Variants in FUNDC2 observed in about 807,000 individuals in gnomAD.
The protein encoded by FUNDC2 is FUN14 domain-containing protein 2.
A neutral mutation model predicts 15.6 loss-of-function variants in FUNDC2; 4 were observed. The ratio of observed to expected loss-of-function variants is 0.26; its 90% CI spans 0.13 to 0.59. The LOEUF is 0.59. Ranked by LOEUF, FUNDC2 falls within the 20% of genes least tolerant of loss-of-function variation. The probability of loss-of-function intolerance (pLI) is 0.90; values close to 1 mark genes in which losing one functional copy is unlikely to be tolerated. For missense variants in FUNDC2, 98 were observed against 149.7 expected (o/e 0.65, Z 1.80); for synonymous variants, 44 against 56.9 (o/e 0.77, Z 1.02).
At chrX:155,040,360 C>A (rs1557289439) in intron 2 of FUNDC2, among the ~76,000 whole-genome samples, 1 of 112,132 alleles carries the variant, frequency 8.9e-6, no homozygotes, top group Admixed American at 9.4e-5. Context: ...CAACTCCTGG[C>A]AACCACAGTC....
intron 2 of FUNDC2, 122 bp from the exon 3 acceptor site, chrX:155,046,387 T>C (rs2073862531): frequency 1.7e-6 from 1 of 585,476 alleles, no homozygotes; most frequent in Non-Finnish European, 3.0e-6. Context: ...GCTGGCTTTA[T>C]GTAGGGGGTA....
At position 155,060,098 on chromosome X, in the gene FUNDC2, T is replaced by C. The variant is rs1246181585; in HGVS notation, c.*5426T>C. ...TTATAGCAATGCAACAATGGACTAATACATATACTTTAGCATAAAAACATT... is the reference window on the plus strand; with the variant it reads ...TTATAGCAATGCAACAATGGACTAACACATATACTTTAGCATAAAAACATT... On this transcript the variant is annotated 3_prime_UTR_variant, in exon 5 of 5. Coordinates refer to ENST00000369498, the MANE Select transcript of FUNDC2 (RefSeq NM_023934.4). 2 of 112,256 alleles carry C rather than the reference T, an allele frequency of 1.8e-5. No individual in the cohort carries two copies. Among genetic ancestry groups the C allele is most frequent in the African/African-American group, 3.2e-5 (1 of 30,871 alleles). 9.3% of individuals were successfully genotyped at this position (112,256 alleles called of 1,213,427 possible). A position where few individuals can be genotyped will look rare whatever the true frequency, so the allele number is the denominator to read the frequency against.
At chrX:155,033,269 C>G in intron 1 of FUNDC2, 134 bp from the exon 2 acceptor site, 1 of 536,258 alleles carries the variant, frequency 1.9e-6, no homozygotes, top group Non-Finnish European at 2.9e-6. Context: ...AAAATTGCAA[C>G]TTAGAATAAA....
intron 1 of FUNDC2, among the ~76,000 whole-genome samples, chrX:155,030,151 T>A (rs1557288613): frequency 9.0e-6 from 1 of 111,121 alleles, no homozygotes; most frequent in East Asian, 2.8e-4. Flanking sequence ...CGTTATATTA[T>A]CTGCCAATGA....
At chrX:155,054,270 A>T in intron 4 of FUNDC2, 1 of 753,845 alleles carries the variant, frequency 1.3e-6, no homozygotes, top group Non-Finnish European at 1.6e-6. Flanking sequence ...CTCTTTCGCC[A>T]TAACTGTCCC....
At chrX:155,044,618 C>T (rs1201972688) in intron 2 of FUNDC2, among the ~76,000 whole-genome samples, 18 of 112,150 alleles carry the variant, frequency 1.6e-4, no homozygotes, top group Non-Finnish European at 3.0e-4. Flanking sequence ...AGATGCTTAG[C>T]ATCATCAATT....
At chrX:155,036,319 T>C (rs1034682168) in intron 2 of FUNDC2, among the ~76,000 whole-genome samples, 4 of 112,842 alleles carry the variant, frequency 3.5e-5, no homozygotes, top group African/African-American at 1.3e-4. Flanking sequence ...TTTGATGACT[T>C]ATTTGTTCAA....
In FUNDC2 at chrX:155,026,977, G is replaced by A; in HGVS notation, c.39G>A (p.Val13=). ...CCCCACGTGCCGGAAGCCAAGTGGT[G>A]GCGACAACTGCGCGCCACTCCGCGG... The part of the protein sequence containing the change: ...TSAPRAGSQV[V]ATTARHSAAY... The change falls in exon 1 of 5, where the codon GTG becomes GTA. Residue 13 remains valine (V), a synonymous_variant. Transcript: ENST00000369498. 1 of 1,201,896 alleles carries A rather than the reference G, an allele frequency of 8.3e-7. No homozygotes were observed. The highest frequency in any genetic ancestry group is 1.1e-6 in the Non-Finnish European group (1 of 891,613).
chrX:155,046,753 A>C (rs2073864022), intron 3 of FUNDC2, among the ~76,000 whole-genome samples, 169 bp downstream of exon 3: 1 of 112,432 alleles, frequency 8.9e-6, no homozygotes, highest in African/African-American at 3.2e-5. Flanking sequence ...AATTTTATTC[A>C]TTATACTAGT....
At position 155,050,795 on chromosome X, in the gene FUNDC2, A is replaced by C. The variant is rs182921734; in HGVS notation, c.361-875A>C. On this transcript the variant is annotated intron_variant, in intron 3 of 4. Transcript: ENST00000369498. ...GTGAACTTTCTTACTGATCTCTATA[A>C]GAAGTTCACTTTTTTGAGTATCAAT... 9.7e-4 allele frequency: 109 copies of C among 112,011 alleles called. 1 individual carries two copies. The highest frequency in any genetic ancestry group is 3.4e-3 in the African/African-American group (105 of 30,754). The allele number at this position is 112,011 out of a possible 1,213,427, so 9.2% of individuals were successfully genotyped here. A position where few individuals can be genotyped will look rare whatever the true frequency, so the allele number is the denominator to read the frequency against.
At position 155,056,606 on chromosome X, in the gene FUNDC2, C is replaced by T. The variant is rs2073899134; in HGVS notation, c.*1934C>T. 1 of 108,722 alleles carries T rather than the reference C, an allele frequency of 9.2e-6. No individual in the cohort carries two copies. Among genetic ancestry groups the T allele is most frequent in the Non-Finnish European group, 1.9e-5 (1 of 52,437 alleles). 9.0% of individuals were successfully genotyped at this position (108,722 alleles called of 1,213,427 possible). On this transcript the variant is annotated 3_prime_UTR_variant, in exon 5 of 5. Transcript: ENST00000369498. ...TGTAGTGACACTGAGTCATCTGTTTCCTGCTTCCCCACACTCTGCCTCTCC... is the reference window on the plus strand; with the variant it reads ...TGTAGTGACACTGAGTCATCTGTTTTCTGCTTCCCCACACTCTGCCTCTCC...
At chrX:155,054,287 C>T (rs2073887249) in intron 4 of FUNDC2, 1 of 751,635 alleles carries the variant, frequency 1.3e-6, no homozygotes, top group African/African-American at 2.3e-5. Flanking sequence ...TCCCCATGAA[C>T]TCTCCTTCTT....
At chrX:155,030,772 GC>G (rs2073812497) in intron 1 of FUNDC2, among the ~76,000 whole-genome samples, 1 of 100,133 alleles carries the variant, frequency 1.0e-5, no homozygotes, top group African/African-American at 3.7e-5. Context: ...TGCAACCTCC[GC>G]CTCCCAGGTT....
chrX:155,038,154 GA>G (rs1370481367), intron 2 of FUNDC2, among the ~76,000 whole-genome samples: 1 of 110,233 alleles, frequency 9.1e-6, no homozygotes, highest in Non-Finnish European at 1.9e-5. Context: ...TTGAACCTGG[GA>G]GGGGGAGGTT....
In FUNDC2 at chrX:155,055,463, T is replaced by C; in HGVS notation, c.*791T>C. Reference sequence around the variant, plus strand: ...CTACTATTTTTTTTTTTAATCTAGTTAGTATGAAATACAACATTTAAACCG... The same window carrying C: ...CTACTATTTTTTTTTTTAATCTAGTCAGTATGAAATACAACATTTAAACCG... On this transcript the variant is annotated 3_prime_UTR_variant, in exon 5 of 5. Transcript: ENST00000369498. The C allele has an allele frequency of 3.4e-6, 1 of 292,929 alleles. No homozygotes were observed. The highest frequency in any genetic ancestry group is 6.0e-6 in the Non-Finnish European group (1 of 167,936). The allele number at this position is 292,929 out of a possible 1,213,427, so 24.1% of individuals were successfully genotyped here.
rs143802254 is a variant in FUNDC2 at position 155,055,257 on chromosome X, G to A, written c.*585G>A. 3,347 of 295,470 alleles carry A rather than the reference G, an allele frequency of 0.011. 22 individuals carry two copies. The highest frequency in any genetic ancestry group is 0.023 in the Middle Eastern group (26 of 1,135). 24.4% of individuals were successfully genotyped at this position (295,470 alleles called of 1,213,427 possible). A position where few individuals can be genotyped will look rare whatever the true frequency, so the allele number is the denominator to read the frequency against. ...ATATTGTCCAGGAATGCTTTCTACC[G>A]TACAGGATAATGTATCTCATGGCTG... On this transcript the variant is annotated 3_prime_UTR_variant, in exon 5 of 5. Transcript: ENST00000369498.
intron 4 of FUNDC2, chrX:155,053,708 A>G (rs935703816): frequency 3.0e-6 from 1 of 338,876 alleles, no homozygotes; most frequent in Non-Finnish European, 3.8e-6. Flanking sequence ...ATGTTAGGGG[A>G]ATGTCAGGGT....
intron 2 of FUNDC2, among the ~76,000 whole-genome samples, chrX:155,035,606 G>A (rs2073828449): frequency 9.0e-6 from 1 of 111,599 alleles, no homozygotes; most frequent in South Asian, 3.7e-4. Context: ...TATAGATTAT[G>A]TTTTCTAGAT....
At chrX:155,038,154 G>A (rs1393667213) in intron 2 of FUNDC2, among the ~76,000 whole-genome samples, 1 of 110,233 alleles carries the variant, frequency 9.1e-6, no homozygotes, top group Non-Finnish European at 1.9e-5. Context: ...TTGAACCTGG[G>A]AGGGGGAGGT....
Sources: allele counts gnomAD v4.1 joint callset (sites outside exome capture counted in the v4.1 genomes callset), GRCh38; gene constraint gnomAD v4.1.1; transcripts MANE v1.5; gene names NCBI Gene and HGNC (gene_info 2026-07-23, HGNC 2026-07-21).